SHROOM2: variants seen among roughly 807,000 people sequenced by gnomAD.
The protein encoded by SHROOM2 is protein Shroom2.
In SHROOM2, 33 loss-of-function variants were observed where a neutral mutation model predicts 75.9. The ratio of observed to expected loss-of-function variants is 0.43; its 90% CI spans 0.33 to 0.58. SHROOM2 has a LOEUF of 0.58. Among genes scored for constraint, SHROOM2 ranks in the 20% least tolerant of loss-of-function variants. The pLI is 0.04. For missense variants in SHROOM2, 1,434 were observed against 1,461.2 expected (o/e 0.98, Z 0.30); for synonymous variants, 655 against 663.6 (o/e 0.99, Z 0.20).
rs945973326 is a variant in SHROOM2, at chrX:9,932,500, A to T, written c.3217A>T (p.Arg1073Trp). 3.3e-6 allele frequency: 4 copies of T among 1,209,502 alleles called. No individual in the cohort carries two copies. Among genetic ancestry groups the T allele is most frequent in the Non-Finnish European group, 4.5e-6 (4 of 894,316 alleles). Residue 1073 changes from arginine to tryptophan, a missense_variant, in exon 6 of 10, where the codon AGG becomes TGG. Arg to Trp is a moderately radical substitution (Grantham distance 101). Transcript: ENST00000380913. The part of the protein sequence containing the change: ...QRPPPPKREP[R>W]RYRATDGAPA... ...GCCACCGCCACCCAAGCGCGAGCCC[A>T]GGAGATACAGGGCCACAGACGGCGC...
At chrX:9,853,682 G>T (rs777029923) in intron 1 of SHROOM2, among the ~76,000 whole-genome samples, 1 of 111,950 alleles carries the variant, frequency 8.9e-6, no homozygotes, top group African/African-American at 3.3e-5. Flanking sequence ...GGATGACATC[G>T]TCATCACCAG....
At chrX:9,808,932 T>C (rs1300998238) in intron 1 of SHROOM2, among the ~76,000 whole-genome samples, 2 of 110,376 alleles carry the variant, frequency 1.8e-5, no homozygotes, top group Admixed American at 9.8e-5. Context: ...AAGGGTACAG[T>C]TTAGTGGTAT....
At chrX:9,863,690 C>T (rs1009777159) in intron 1 of SHROOM2, among the ~76,000 whole-genome samples, 2 of 109,464 alleles carry the variant, frequency 1.8e-5, no homozygotes, top group African/African-American at 3.3e-5. Context: ...TCTTCAGAAG[C>T]GTGGGCATAG....
At chrX:9,802,998 A>G (rs1415846656) in intron 1 of SHROOM2, among the ~76,000 whole-genome samples, 4 of 106,509 alleles carry the variant, frequency 3.8e-5, no homozygotes, top group Non-Finnish European at 7.7e-5. Flanking sequence ...GCGTGATCAC[A>G]GTTCCCTGCA....
chrX:9,857,127 A>C (rs193097339), intron 1 of SHROOM2, among the ~76,000 whole-genome samples: 1 of 112,788 alleles, frequency 8.9e-6, no homozygotes, highest in Non-Finnish European at 1.9e-5. Flanking sequence ...AGAGGACACG[A>C]AGGTGACATG....
At chrX:9,787,992 C>CTT (rs58004470) in intron 1 of SHROOM2, among the ~76,000 whole-genome samples, 99 of 84,219 alleles carry the variant, frequency 1.2e-3, no homozygotes, top group African/African-American at 4.0e-3. Context: ...TTTCTTTCTT[C>CTT]TTTTTTTTTT....
At position 9,894,620 on chromosome X, in the gene SHROOM2, A is replaced by G. The variant is rs760855259; in HGVS notation, c.712A>G (p.Thr238Ala). 4.1e-6 allele frequency: 5 copies of G among 1,210,076 alleles called. No homozygotes were observed. The South Asian group carries it at 5.3e-5, about 13-fold the overall frequency. ...DTSSAENILY[T>A]VGLWEAPRQG... ...GTCCTCCGCAGAGAACATCCTCTACACTGTGGGCCTCTGGGAGGCTCCCAG... is the reference window on the plus strand; with the variant it reads ...GTCCTCCGCAGAGAACATCCTCTACGCTGTGGGCCTCTGGGAGGCTCCCAG... Residue 238 changes from threonine to alanine, a missense_variant, in exon 4 of 10, where the codon ACT becomes GCT. This residue lies in a region of SHROOM2 where 1,340 missense variants were observed against 1,338.3 expected (regional missense o/e 1.00). Transcript: ENST00000380913.
chrX:9,940,776 G>A (rs939428676), intron 8 of SHROOM2, among the ~76,000 whole-genome samples: 1 of 112,318 alleles, frequency 8.9e-6, no homozygotes, highest in Admixed American at 9.5e-5. Flanking sequence ...CAGGCCACCT[G>A]CTCTGTAGCT....
intron 1 of SHROOM2, among the ~76,000 whole-genome samples, chrX:9,859,511 T>C (rs2084091378): frequency 9.0e-6 from 1 of 111,589 alleles, no homozygotes. Context: ...CTCCAGGCAC[T>C]AGGGAGGCTG....
At chrX:9,850,204 G>A (rs1471391567) in intron 1 of SHROOM2, among the ~76,000 whole-genome samples, 1 of 112,232 alleles carries the variant, frequency 8.9e-6, no homozygotes, top group East Asian at 2.8e-4. Context: ...TGCTCATTGT[G>A]TAGACCAAAG....
intron 1 of SHROOM2, among the ~76,000 whole-genome samples, chrX:9,801,914 C>T (rs748245532): frequency 9.0e-6 from 1 of 111,042 alleles, no homozygotes; most frequent in South Asian, 3.8e-4. Context: ...TGTGATTGTG[C>T]CACTACACGC....
chrX:9,849,563 G>A (rs1490777543), intron 1 of SHROOM2, among the ~76,000 whole-genome samples: 3 of 111,313 alleles, frequency 2.7e-5, no homozygotes, highest in Non-Finnish European at 1.9e-5. Context: ...CATCCCTCTG[G>A]GGTGATGGCA....
At chrX:9,878,471 C>T (rs1178088156) in intron 2 of SHROOM2, among the ~76,000 whole-genome samples, 2 of 111,849 alleles carry the variant, frequency 1.8e-5, no homozygotes, top group East Asian at 2.8e-4. Flanking sequence ...GGCTGCATGT[C>T]GAGGGAGAGC....
In SHROOM2 at chrX:9,838,147, G is replaced by A. The variant is rs187174221; in HGVS notation, c.166-35505G>A. 7.6e-3 allele frequency among the ~76,000 whole-genome samples: 747 copies of A among 98,620 alleles called. 6 individuals carry two copies. Among genetic ancestry groups the A allele is most frequent in the African/African-American group, 0.027 (713 of 25,945 alleles). The allele number at this position is 98,620 out of a possible 115,157, so 85.6% of individuals were successfully genotyped here. On this transcript the variant is annotated intron_variant, in intron 1 of 9. Transcript: ENST00000380913. Reference sequence around the variant, plus strand: ...ACGATCTCGGCTCACTGCAAGCTCCGTCTCCCGGGTTCACGCCATTCTTCT... The same window carrying A: ...ACGATCTCGGCTCACTGCAAGCTCCATCTCCCGGGTTCACGCCATTCTTCT...
intron 1 of SHROOM2, chrX:9,818,656 A>C: frequency 2.7e-6 from 1 of 370,737 alleles, no homozygotes; most frequent in South Asian, 3.1e-5. Flanking sequence ...GTGTTCTCTA[A>C]TCTCCTCTTT....
intron 1 of SHROOM2, among the ~76,000 whole-genome samples, chrX:9,816,111 A>G (rs564131026): frequency 8.9e-6 from 1 of 112,685 alleles, no homozygotes; most frequent in South Asian, 3.7e-4. Flanking sequence ...TGTAGTGTGT[A>G]TCAGTCATTC....
At chrX:9,850,054 C>T (rs935004325) in intron 1 of SHROOM2, among the ~76,000 whole-genome samples, 10 of 111,430 alleles carry the variant, frequency 9.0e-5, no homozygotes, top group African/African-American at 3.3e-4. Flanking sequence ...TGCACCTGAG[C>T]GGAGACTGAC....
intron 2 of SHROOM2, among the ~76,000 whole-genome samples, chrX:9,874,854 T>G (rs376015575): frequency 4.1e-4 from 44 of 108,208 alleles, no homozygotes; most frequent in African/African-American, 1.2e-3. Context: ...GAGGATCACT[T>G]GAGCCCAGGA....
At chrX:9,830,690 C>T (rs1376818486) in intron 1 of SHROOM2, among the ~76,000 whole-genome samples, 1 of 94,357 alleles carries the variant, frequency 1.1e-5, no homozygotes, top group Non-Finnish European at 2.0e-5. Context: ...CAACCTCCAC[C>T]TCTTGGGTTC....
Sources: gnomAD v4.1 joint callset for allele counts (sites outside exome capture counted in the v4.1 genomes callset) on GRCh38, gnomAD v4.1.1 for gene constraint, gnomAD v4.1.1 regional missense constraint, MANE v1.5 for transcripts, NCBI Gene and HGNC (gene_info 2026-07-23, HGNC 2026-07-21) for gene names.